The following HHAT variants were observed in gnomAD, a reference collection of about 807,000 sequenced individuals.
HHAT encodes the protein hedgehog acyltransferase.
A neutral mutation model predicts 70.8 loss-of-function variants in HHAT; 47 were observed. That is an observed-to-expected ratio of 0.66 (90% CI 0.53 to 0.85). The LOEUF (loss-of-function observed/expected upper bound fraction) is 0.85. Ranked by LOEUF, HHAT falls within the 40% of genes least tolerant of loss-of-function variation. HHAT has a pLI of 0.00. For synonymous variants in HHAT, 228 were observed against 247.6 expected, an observed-to-expected ratio of 0.92 and a Z score of 0.74; for missense variants, 609 against 604.8, an observed-to-expected ratio of 1.01 and a Z score of -0.07.
At chr1:210,637,402 T>A (rs951751041) in intron 11 of HHAT, among the ~76,000 whole-genome samples, 2 of 151,928 alleles carry the variant, frequency 1.3e-5, no homozygotes, top group African/African-American at 4.8e-5. Context: ...GAAGAAAAAA[T>A]AGATCAATTG....
intron 3 of HHAT, among the ~76,000 whole-genome samples, chr1:210,386,480 C>T (rs974118732): frequency 2.0e-5 from 3 of 151,414 alleles, no homozygotes; most frequent in South Asian, 4.2e-4. Context: ...CCTCGTGATC[C>T]GCCCGCCTCG....
At chr1:210,541,736 A>G (rs1056476345) in intron 9 of HHAT, among the ~76,000 whole-genome samples, 1 of 152,176 alleles carries the variant, frequency 6.6e-6, no homozygotes, top group Non-Finnish European at 1.5e-5. Context: ...CAAAAAACAA[A>G]CAAAAAACAA....
Position 210,525,105 on chromosome 1 carries a change from C to T in HHAT, c.1043+11917C>T, listed in dbSNP as rs998363246. On this transcript the variant is annotated intron_variant, in intron 9 of 11. Coordinates refer to ENST00000261458, the MANE Select transcript of HHAT (RefSeq NM_018194.6). ...CACTCAGCAAACCAGGGCTTTGGCTCCTTCACTGGTTCATCTCTCTTGCTT... is the reference window on the plus strand; with the variant it reads ...CACTCAGCAAACCAGGGCTTTGGCTTCTTCACTGGTTCATCTCTCTTGCTT... Among the ~76,000 whole-genome samples, 3 of 152,008 alleles carry T rather than the reference C, an allele frequency of 2.0e-5. No homozygotes were observed. In the East Asian group the frequency reaches 5.8e-4, roughly 29 times the overall value.
intron 9 of HHAT, among the ~76,000 whole-genome samples, chr1:210,539,702 G>A (rs147493311): frequency 1.6e-4 from 24 of 152,286 alleles, no homozygotes; most frequent in African/African-American, 5.5e-4. Context: ...CAGAAGCTAC[G>A]AGGAGGCAGG....
At chr1:210,465,939 GGAAT>G (rs1257343691) in intron 8 of HHAT, among the ~76,000 whole-genome samples, 37 of 121,064 alleles carry the variant, frequency 3.1e-4, no homozygotes, top group Admixed American at 7.8e-4. Flanking sequence ...GGAATTGCAA[GGAAT>G]GAATTGCAAG....
chr1:210,520,264 C>T (rs1468919764), intron 9 of HHAT, among the ~76,000 whole-genome samples: 1 of 152,196 alleles, frequency 6.6e-6, no homozygotes, highest in Non-Finnish European at 1.5e-5. Flanking sequence ...ATCCACCCAC[C>T]TCAGCCTCCC....
chr1:210,552,967 A>G (rs766907181), intron 9 of HHAT, among the ~76,000 whole-genome samples: 1 of 152,194 alleles, frequency 6.6e-6, no homozygotes, highest in Non-Finnish European at 1.5e-5. Flanking sequence ...TTCATCTCAC[A>G]TCCCCAGCCT....
At chr1:210,411,385 G>C (rs555967875) in intron 6 of HHAT, among the ~76,000 whole-genome samples, 1 of 152,232 alleles carries the variant, frequency 6.6e-6, no homozygotes, top group Non-Finnish European at 1.5e-5. Flanking sequence ...ACATTTGTCT[G>C]TGTGAAGATT....
intron 7 of HHAT, among the ~76,000 whole-genome samples, chr1:210,425,006 A>G (rs944266318): frequency 6.6e-6 from 1 of 152,174 alleles, no homozygotes; most frequent in African/African-American, 2.4e-5. Flanking sequence ...CCTGGCCAGC[A>G]TCTGTTATTT....
chr1:210,414,615 A>C (rs1229129430), intron 6 of HHAT, among the ~76,000 whole-genome samples: 1 of 152,110 alleles, frequency 6.6e-6, no homozygotes, highest in Non-Finnish European at 1.5e-5. Flanking sequence ...GCATTTGGAG[A>C]AGCAGGATGA....
At position 210,362,896 on chromosome 1, in the gene HHAT, A is replaced by G. The variant is rs757329992; in HGVS notation, c.136A>G (p.Thr46Ala). 4.3e-5 allele frequency: 69 copies of G among 1,613,434 alleles called. No individual in the cohort carries two copies. The highest frequency in any genetic ancestry group is 6.7e-5 in the Admixed American group (4 of 60,002). ...CCAGGAATTTGAGCTGGAGACTGACACTTTATTTGGAGGATTAAAGAAGGT... is the reference window on the plus strand; with the variant it reads ...CCAGGAATTTGAGCTGGAGACTGACGCTTTATTTGGAGGATTAAAGAAGGT... ...LDQEFELETD[T>A]LFGGLKKDAT... The change falls in exon 3 of 12, where the codon ACT becomes GCT. Residue 46 changes from threonine (T) to alanine (A), a missense_variant. Transcript: ENST00000261458.
intron 9 of HHAT, among the ~76,000 whole-genome samples, chr1:210,547,067 C>G (rs141260484): frequency 6.6e-6 from 1 of 152,108 alleles, no homozygotes; most frequent in East Asian, 1.9e-4. Context: ...TGGTGGCTCA[C>G]GCCTGTAATC....
intron 2 of HHAT, among the ~76,000 whole-genome samples, chr1:210,358,480 C>G (rs1355719377): frequency 6.6e-6 from 1 of 152,180 alleles, no homozygotes; most frequent in Non-Finnish European, 1.5e-5. Context: ...AAAGAAGGAG[C>G]CCCTAGGCCT....
chr1:210,484,602 T>C (rs2094447381), intron 8 of HHAT, among the ~76,000 whole-genome samples: 1 of 152,106 alleles, frequency 6.6e-6, no homozygotes, highest in African/African-American at 2.4e-5. Context: ...CTTAGTGTTA[T>C]GGATTATTTT....
Position 210,434,490 on chromosome 1 carries a change from A to G in HHAT, c.856+16165A>G, listed in dbSNP as rs544480201. The stretch of plus-strand genomic sequence containing the variant: ...ACAAGGTTTAAGTTTAAGCAAGGAA[A>G]TGTTATTAGATATAGTCCTCAAGGG... On this transcript the variant is annotated intron_variant, in intron 7 of 11. Coordinates refer to ENST00000261458, the MANE Select transcript of HHAT (RefSeq NM_018194.6). Among the ~76,000 whole-genome samples the G allele has an allele frequency of 7.2e-5, 11 of 151,950 alleles. 1 individual carries two copies. The South Asian group carries it at 2.3e-3, about 32-fold the overall frequency.
chr1:210,601,717 G>T (rs1664302188), intron 10 of HHAT, among the ~76,000 whole-genome samples: 1 of 152,120 alleles, frequency 6.6e-6, no homozygotes, highest in African/African-American at 2.4e-5. Flanking sequence ...ATATTATGAT[G>T]ACTGCTTTGG....
intron 10 of HHAT, chr1:210,590,067 T>G (rs938841718): frequency 3.3e-5 from 5 of 152,214 alleles, no homozygotes; most frequent in African/African-American, 9.6e-5. Context: ...CAGGTTCCCA[T>G]TACTCTGTTT....
intron 7 of HHAT, among the ~76,000 whole-genome samples, chr1:210,452,352 G>A (rs1006196112): frequency 2.0e-5 from 3 of 152,182 alleles, no homozygotes; most frequent in Non-Finnish European, 4.4e-5. Flanking sequence ...TGAATATTTA[G>A]GGTTCAGGTG....
intron 7 of HHAT, among the ~76,000 whole-genome samples, chr1:210,455,111 C>G (rs181949180): frequency 6.6e-6 from 1 of 152,180 alleles, no homozygotes; most frequent in African/African-American, 2.4e-5. Flanking sequence ...CTGGGGCTGA[C>G]TCTTGACCTT....
Sources: gnomAD v4.1 joint callset for allele counts (sites outside exome capture counted in the v4.1 genomes callset) on GRCh38, gnomAD v4.1.1 for gene constraint, MANE v1.5 for transcripts, NCBI Gene and HGNC (gene_info 2026-07-23, HGNC 2026-07-21) for gene names.